Variants in EFR3A observed in about 807,000 individuals in gnomAD.
The protein encoded by EFR3A is protein EFR3 homolog A.
A neutral mutation model predicts 104.4 loss-of-function variants in EFR3A; 76 were observed. The ratio of observed to expected loss-of-function variants is 0.73; its 90% confidence interval spans 0.60 to 0.88. The LOEUF (loss-of-function observed/expected upper bound fraction) is 0.88, where lower values mean the gene tolerates loss of function less well. Among genes scored for constraint, EFR3A ranks in the 40% least tolerant of loss-of-function variants. The pLI is 0.00. For missense variants in EFR3A, 985 were observed against 1,012.5 expected, an observed-to-expected ratio of 0.97 and a Z score of 0.37; for synonymous variants, 330 against 330.0, an observed-to-expected ratio of 1.00 and a Z score of 0.00.
intron 5 of EFR3A, among the ~76,000 whole-genome samples, 199 bp downstream of exon 5, chr8:131,950,289 T>TA (rs1818634435): frequency 6.6e-6 from 1 of 152,198 alleles, no homozygotes; most frequent in Non-Finnish European, 1.5e-5. Context: ...GTCTTTACTG[T>TA]AGCCTAGAAT....
intron 8 of EFR3A, among the ~76,000 whole-genome samples, chr8:131,966,619 A>T (rs1325120014): frequency 6.6e-6 from 1 of 152,156 alleles, no homozygotes; most frequent in African/African-American, 2.4e-5. Flanking sequence ...TAGATGAGAG[A>T]AACTGAGTTA....
chr8:131,959,669 G>C lies in EFR3A; in HGVS notation c.855+6G>C, dbSNP rs775697008. 1 of 1,600,648 alleles carries C rather than the reference G, an allele frequency of 6.2e-7. No homozygotes were observed. The highest frequency in any genetic ancestry group is 8.5e-7 in the Non-Finnish European group (1 of 1,173,044). On this transcript the variant is annotated splice_donor_region_variant and intron_variant, in intron 8 of 22. Coordinates refer to ENST00000254624, the MANE Select transcript of EFR3A (RefSeq NM_015137.6). ...TTATAATGTATTCCATTCAGGTAAG[G>C]TTTGATTAACTATTTACTGTATTTA...
chr8:131,953,687 G>T, intron 5 of EFR3A, 131 bp from the exon 6 acceptor site: 1 of 897,038 alleles, frequency 1.1e-6, no homozygotes, highest in Non-Finnish European at 1.5e-6. Context: ...TTAGACTTGT[G>T]TGTTATTTTA....
At chr8:131,965,130 C>T (rs935992735) in intron 8 of EFR3A, among the ~76,000 whole-genome samples, 2 of 152,154 alleles carry the variant, frequency 1.3e-5, no homozygotes, top group African/African-American at 4.8e-5. Flanking sequence ...AAAACCTAGG[C>T]AATACCATTC....
intron 1 of EFR3A, among the ~76,000 whole-genome samples, chr8:131,923,195 G>T (rs1179910297): frequency 6.6e-6 from 1 of 152,100 alleles, no homozygotes; most frequent in East Asian, 1.9e-4. Context: ...ATAAATTGGG[G>T]AGATCGTTAT....
intron 1 of EFR3A, among the ~76,000 whole-genome samples, chr8:131,922,513 A>G (rs990272622): frequency 3.3e-5 from 5 of 152,166 alleles, no homozygotes; most frequent in Non-Finnish European, 5.9e-5. Flanking sequence ...AGCATTTTTG[A>G]TAAGGTTAAT....
intron 18 of EFR3A, among the ~76,000 whole-genome samples, chr8:131,995,692 A>G (rs1374686769): frequency 6.6e-6 from 1 of 152,192 alleles, no homozygotes; most frequent in Non-Finnish European, 1.5e-5. Context: ...TTATAATTAC[A>G]GGACTTCAGC....
At chr8:132,002,440 A>G (rs536037929) in intron 20 of EFR3A, among the ~76,000 whole-genome samples, 163 bp from the exon 21 acceptor site, 1 of 152,254 alleles carries the variant, frequency 6.6e-6, no homozygotes, top group African/African-American at 2.4e-5. Context: ...CTAGCCTTAA[A>G]CAAGACATTT....
At chr8:131,919,225 A>C (rs981778818) in intron 1 of EFR3A, among the ~76,000 whole-genome samples, 6 of 152,178 alleles carry the variant, frequency 3.9e-5, no homozygotes, top group African/African-American at 1.4e-4. Context: ...AATGCATATT[A>C]AGGTCACAGT....
intron 18 of EFR3A, among the ~76,000 whole-genome samples, chr8:131,989,202 A>T (rs974065642): frequency 6.6e-6 from 1 of 152,204 alleles, no homozygotes; most frequent in Non-Finnish European, 1.5e-5. Flanking sequence ...TAATGCAGAA[A>T]CAGAATAAAC....
intron 1 of EFR3A, among the ~76,000 whole-genome samples, chr8:131,921,867 C>T (rs1212117779): frequency 1.3e-5 from 2 of 152,176 alleles, no homozygotes; most frequent in Admixed American, 6.5e-5. Flanking sequence ...TACATATCTA[C>T]TAAATATAGA....
At chr8:131,960,195 A>G (rs561714767) in intron 8 of EFR3A, among the ~76,000 whole-genome samples, 1 of 152,116 alleles carries the variant, frequency 6.6e-6, no homozygotes, top group Admixed American at 6.6e-5. Context: ...TTGTCATTTT[A>G]TGTGGATATC....
At position 132,013,008 on chromosome 8, in the gene EFR3A, A is replaced by G. The variant is rs1822426668; in HGVS notation, c.*2113A>G. The G allele has an allele frequency of 6.6e-6, 1 of 152,170 alleles. No homozygotes were observed. The highest frequency in any genetic ancestry group is 1.5e-5 in the Non-Finnish European group (1 of 68,016). 9.4% of individuals were successfully genotyped at this position (152,170 alleles called of 1,614,324 possible). On this transcript the variant is annotated 3_prime_UTR_variant, in exon 23 of 23. Transcript: ENST00000254624. ...GGATTTCTGAACTGGTCTTGTTGAC[A>G]AGGATTCCCAAGAAATGGATCTTTT...
chr8:131,962,033 C>T (rs1398402906), intron 8 of EFR3A, among the ~76,000 whole-genome samples: 1 of 152,160 alleles, frequency 6.6e-6, no homozygotes, highest in Non-Finnish European at 1.5e-5. Flanking sequence ...ACCACCAGGC[C>T]TGCCTTACAA....
intron 1 of EFR3A, among the ~76,000 whole-genome samples, chr8:131,938,871 G>C (rs1320486235): frequency 6.6e-6 from 1 of 152,112 alleles, no homozygotes; most frequent in Admixed American, 6.6e-5. Flanking sequence ...AACCCTCAGA[G>C]AGTTACGATA....
chr8:131,950,177 A>G, intron 5 of EFR3A, 87 bp downstream of exon 5: 1 of 1,341,358 alleles, frequency 7.5e-7, no homozygotes, highest in Non-Finnish European at 1.0e-6. Context: ...TACCAGAGGA[A>G]ACAATAATAT....
chr8:131,920,922 A>G (rs1476469249), intron 1 of EFR3A, among the ~76,000 whole-genome samples: 1 of 152,226 alleles, frequency 6.6e-6, no homozygotes, highest in Non-Finnish European at 1.5e-5. Context: ...ACACTCAAAT[A>G]TTTGGTAAAT....
At chr8:131,918,699 C>G (rs1283985843) in intron 1 of EFR3A, among the ~76,000 whole-genome samples, 1 of 152,144 alleles carries the variant, frequency 6.6e-6, no homozygotes, top group Non-Finnish European at 1.5e-5. Flanking sequence ...GTTATGGAAT[C>G]TATAAGAAGA....
At chr8:132,000,132 T>G (rs1216520380) in intron 19 of EFR3A, among the ~76,000 whole-genome samples, 1 of 151,992 alleles carries the variant, frequency 6.6e-6, no homozygotes, top group Non-Finnish European at 1.5e-5. Context: ...GGGGTTCTTT[T>G]TTTGTTTGTT....
Sources: allele counts gnomAD v4.1 joint callset (sites outside exome capture counted in the v4.1 genomes callset), GRCh38; gene constraint gnomAD v4.1.1; transcripts MANE v1.5; gene names NCBI Gene and HGNC (gene_info 2026-07-23, HGNC 2026-07-21).